OBI1: variants seen among roughly 807,000 people sequenced by gnomAD.
OBI1 encodes the protein ring finger protein 219.
In OBI1, 59 loss-of-function variants were observed where a neutral mutation model predicts 62.4. The observed-to-expected ratio is 0.95, with a 90% confidence interval of 0.77 to 1.17. OBI1 has a LOEUF of 1.17. Among genes scored for constraint, OBI1 ranks in the 50% most tolerant of loss-of-function variants. OBI1 has a pLI of 0.00. For synonymous variants in OBI1, 302 were observed against 292.8 expected (o/e 1.03, Z -0.32); for missense variants, 875 against 830.9 (o/e 1.05, Z -0.65).
At chr13:78,655,638 A>T (rs1475134607) in intron 1 of OBI1, among the ~76,000 whole-genome samples, 1 of 152,032 alleles carries the variant, frequency 6.6e-6, no homozygotes, top group Non-Finnish European at 1.5e-5. Flanking sequence ...CCCTGCCCTC[A>T]TCTCTCCCCC....
chr13:78,616,794 T>C lies in OBI1; in HGVS notation c.967A>G (p.Thr323Ala), dbSNP rs754572187. 1 of 1,614,092 alleles carries C rather than the reference T, an allele frequency of 6.2e-7. No individual in the cohort carries two copies. The highest frequency in any genetic ancestry group is 1.3e-5 in the African/African-American group (1 of 74,946). ...AKPSSSRLCD[T>A]SSARQESTSK... ...GTACTTTCCTGCCTTGCAGAACTGG[T>C]GTCACACAGTCTGCTGCTGGAAGGC... The change falls in exon 6 of 6, where the codon ACC (threonine) becomes GCC (alanine). Residue 323 changes from threonine (T) to alanine (A), a missense_variant. Physicochemically the swap from Thr to Ala is moderately conservative, Grantham distance 58 (BLOSUM62 0). Coordinates refer to ENST00000282003, the MANE Select transcript of OBI1 (RefSeq NM_024546.4).
At chr13:78,633,701 T>A (rs1413518080) in intron 5 of OBI1, among the ~76,000 whole-genome samples, 6 of 152,160 alleles carry the variant, frequency 3.9e-5, no homozygotes, top group Non-Finnish European at 7.3e-5. Flanking sequence ...CCCAACTCTT[T>A]CTTAAAATAT....
chr13:78,648,374 G>A (rs1190280963), intron 1 of OBI1, among the ~76,000 whole-genome samples: 1 of 151,414 alleles, frequency 6.6e-6, no homozygotes, highest in Non-Finnish European at 1.5e-5. Flanking sequence ...GGAAGCTCAG[G>A]TAAAAAAGGA....
intron 1 of OBI1, among the ~76,000 whole-genome samples, chr13:78,655,889 A>T (rs1876686902): frequency 6.6e-6 from 1 of 152,250 alleles, no homozygotes; most frequent in Admixed American, 6.5e-5. Context: ...AGTATCTCAC[A>T]GTATAATACG....
intron 5 of OBI1, among the ~76,000 whole-genome samples, chr13:78,633,974 GGA>G (rs1875936291): frequency 6.6e-6 from 1 of 151,832 alleles, no homozygotes; most frequent in South Asian, 2.1e-4. Context: ...GGCTGAGGCA[GGA>G]GAATGGCGTA....
chr13:78,640,350 C>A (rs1309537132), intron 3 of OBI1, among the ~76,000 whole-genome samples: 1 of 152,098 alleles, frequency 6.6e-6, no homozygotes, highest in African/African-American at 2.4e-5. Flanking sequence ...TCTTTCCATA[C>A]ATTTTAAGTC....
At chr13:78,635,850 C>T (rs1386588942) in intron 4 of OBI1, among the ~76,000 whole-genome samples, 4 of 152,136 alleles carry the variant, frequency 2.6e-5, no homozygotes, top group Admixed American at 2.0e-4. Flanking sequence ...GCAACCTCCA[C>T]CTCCAGGGTT....
chr13:78,649,619 C>A (rs1433348048), intron 1 of OBI1, among the ~76,000 whole-genome samples: 1 of 151,996 alleles, frequency 6.6e-6, no homozygotes, highest in African/African-American at 2.4e-5. Flanking sequence ...AATGAGACGA[C>A]GGTTAGGAAT....
intron 1 of OBI1, among the ~76,000 whole-genome samples, chr13:78,651,192 G>C (rs1876533046): frequency 6.6e-6 from 1 of 151,790 alleles, no homozygotes; most frequent in Admixed American, 6.6e-5. Context: ...CCTTTCCTTT[G>C]CATCTTCACC....
intron 5 of OBI1, among the ~76,000 whole-genome samples, chr13:78,630,236 T>C (rs1317373677): frequency 6.6e-6 from 1 of 152,182 alleles, no homozygotes; most frequent in Non-Finnish European, 1.5e-5. Flanking sequence ...TAACTACTTT[T>C]CTGGAAGCAG....
At chr13:78,643,570 C>T (rs1342686231) in intron 2 of OBI1, among the ~76,000 whole-genome samples, 1 of 152,182 alleles carries the variant, frequency 6.6e-6, no homozygotes, top group South Asian at 2.1e-4. Flanking sequence ...GGGCAGATCA[C>T]CTGAGGTCGG....
intron 2 of OBI1, among the ~76,000 whole-genome samples, chr13:78,644,342 T>G (rs1027940485): frequency 6.6e-6 from 1 of 152,222 alleles, no homozygotes; most frequent in Admixed American, 6.5e-5. Flanking sequence ...CAATTTACCT[T>G]TTGTCTTATC....
intron 5 of OBI1, among the ~76,000 whole-genome samples, chr13:78,618,194 T>A (rs1263912948): frequency 6.6e-6 from 1 of 152,142 alleles, no homozygotes; most frequent in Non-Finnish European, 1.5e-5. Context: ...CCTCCAAAAT[T>A]CTTTTCAAAG....
chr13:78,630,760 T>C (rs1018207155), intron 5 of OBI1, among the ~76,000 whole-genome samples: 5 of 152,180 alleles, frequency 3.3e-5, no homozygotes, highest in Non-Finnish European at 7.3e-5. Context: ...CTTGGACTTC[T>C]AAGCCTCCAG....
intron 5 of OBI1, among the ~76,000 whole-genome samples, chr13:78,625,929 C>A (rs371263650): frequency 6.6e-6 from 1 of 152,208 alleles, no homozygotes; most frequent in Non-Finnish European, 1.5e-5. Context: ...CAAGAGCCAG[C>A]CAGACCAGCA....
intron 1 of OBI1, among the ~76,000 whole-genome samples, chr13:78,653,095 T>C (rs1430642118): frequency 1.3e-5 from 2 of 152,222 alleles, no homozygotes; most frequent in Non-Finnish European, 2.9e-5. Flanking sequence ...GGCAGAGACA[T>C]GCCTAAGGCT....
At chr13:78,643,160 AC>A (rs1876270330) in intron 2 of OBI1, among the ~76,000 whole-genome samples, 6 of 152,354 alleles carry the variant, frequency 3.9e-5, no homozygotes, top group African/African-American at 1.4e-4. Context: ...AAATGGATGA[AC>A]TATTTTCCTT....
At position 78,645,013 on chromosome 13, in the gene OBI1, T is replaced by G; in HGVS notation, c.73-16A>C. ...GCTGACGTACCTTTGAAAAAAGAAATCACTTTTAGTACAGGACAACGGTCA... is the reference window on the plus strand; with the variant it reads ...GCTGACGTACCTTTGAAAAAAGAAAGCACTTTTAGTACAGGACAACGGTCA... On this transcript the variant is annotated splice_polypyrimidine_tract_variant and intron_variant, in intron 1 of 5. Transcript: ENST00000282003. 1 of 1,603,714 alleles carries G rather than the reference T, an allele frequency of 6.2e-7. No homozygotes were observed. Among genetic ancestry groups the G allele is most frequent in the South Asian group, 1.1e-5 (1 of 88,986 alleles).
intron 2 of OBI1, 97 bp downstream of exon 2, chr13:78,644,765 A>G: frequency 1.5e-6 from 2 of 1,329,494 alleles, no homozygotes; most frequent in Non-Finnish European, 2.1e-6. Context: ...GCCAAATAGC[A>G]TCACTGAAAA....
Sources: allele counts gnomAD v4.1 joint callset (sites outside exome capture counted in the v4.1 genomes callset), GRCh38; gene constraint gnomAD v4.1.1; transcripts MANE v1.5; gene names NCBI Gene and HGNC (gene_info 2026-07-23, HGNC 2026-07-21).